The following TRERF1 variants were observed in gnomAD, a reference collection of about 807,000 sequenced individuals.
TRERF1 encodes transcriptional-regulating factor 1.
TRERF1 carries 27 observed loss-of-function variants against 122.9 expected under a neutral mutation model. The observed-to-expected ratio is 0.22, with a 90% CI of 0.16 to 0.30. TRERF1 has a LOEUF of 0.30. Ranked by LOEUF, TRERF1 falls within the 10% of genes least tolerant of loss-of-function variation. TRERF1 has a pLI of 1.00. For synonymous variants in TRERF1, 636 were observed against 641.7 expected, an observed-to-expected ratio of 0.99 and a Z score of 0.13; for missense variants, 1,248 against 1,560.3, an observed-to-expected ratio of 0.80 and a Z score of 3.37.
chr6:42,228,196 T>A lies in TRERF1; in HGVS notation c.*149A>T. ...TTTTTTTAAATAAAAGGAAAAGAAA[T>A]AGGATTTTTTTTTCTAAACCTGAAT... is the stretch of plus-strand genomic sequence containing the variant. On this transcript the variant is annotated 3_prime_UTR_variant, in exon 18 of 18. Transcript: ENST00000372922. The surrounding 1 kb of genome is among the most constrained non-coding windows in gnomAD (Gnocchi z 4.2). 1.5e-6 allele frequency: 1 copy of A among 686,180 alleles called. No homozygotes were observed. 42.5% of individuals were successfully genotyped at this position (686,180 alleles called of 1,614,324 possible).
At chr6:42,386,641 T>C (rs1776868593) in intron 2 of TRERF1, among the ~76,000 whole-genome samples, 1 of 152,078 alleles carries the variant, frequency 6.6e-6, no homozygotes, top group South Asian at 2.1e-4. Context: ...TGGAGAAATG[T>C]TAGAAGGAAA....
chr6:42,272,019 GT>G (rs1488513854), intron 4 of TRERF1, among the ~76,000 whole-genome samples: 1 of 152,120 alleles, frequency 6.6e-6, no homozygotes, highest in Non-Finnish European at 1.5e-5. Flanking sequence ...TTGCTATGGT[GT>G]TTAGATTCCA....
chr6:42,433,866 T>A (rs556837772), intron 2 of TRERF1, among the ~76,000 whole-genome samples: 97 of 151,074 alleles, frequency 6.4e-4, no homozygotes, highest in Middle Eastern at 3.4e-3. Context: ...AAAAAAAAAA[T>A]TTTTTTTAAT....
At chr6:42,264,706 G>C in exon 7 of TRERF1, 1 of 1,614,056 alleles carries the variant, frequency 6.2e-7, no homozygotes, top group Non-Finnish European at 8.5e-7. Flanking sequence ...CTGCTAACCT[G>C]TTTGAGGTTG....
At chr6:42,407,594 G>C (rs1303442853) in intron 2 of TRERF1, among the ~76,000 whole-genome samples, 1 of 152,056 alleles carries the variant, frequency 6.6e-6, no homozygotes, top group Admixed American at 6.5e-5. Flanking sequence ...AGAGAGATGT[G>C]ACTTGTCCAA....
intron 2 of TRERF1, among the ~76,000 whole-genome samples, chr6:42,371,499 G>C (rs931605581): frequency 3.0e-4 from 46 of 152,290 alleles, no homozygotes; most frequent in Middle Eastern, 3.4e-3. Context: ...CCAATGTAGC[G>C]GTTCCCGAGG....
intron 2 of TRERF1, among the ~76,000 whole-genome samples, chr6:42,379,346 C>T (rs1015133101): frequency 4.6e-5 from 7 of 152,054 alleles, no homozygotes; most frequent in African/African-American, 1.7e-4. Context: ...GTCTCCACCA[C>T]CCCAGCCCAC....
chr6:42,269,378 G>A lies in TRERF1; in HGVS notation c.213C>T (p.Ser71=). The A allele has an allele frequency of 1.9e-6, 3 of 1,614,164 alleles. No homozygotes were observed. The highest frequency in any genetic ancestry group is 1.7e-6 in the Non-Finnish European group (2 of 1,180,028). Residue 71 remains serine, a synonymous_variant, in exon 5 of 18, where the codon TCC becomes TCT. Transcript: ENST00000372922. This position sits in a 1 kb window ranked among gnomAD's most constrained non-coding sequence, Gnocchi z 4.9. ...AGGTATCCATTTGGCCAAGGTTTTT[G>A]GAGCCAACAGGCAAGCCCAGACCAT...
At chr6:42,299,116 C>CTCTA (rs1554152190) in intron 4 of TRERF1, among the ~76,000 whole-genome samples, 29,000 of 141,670 alleles carry the variant, frequency 0.2, 3,391 homozygotes, top group East Asian at 0.31. Context: ...GTCTGTCTGT[C>CTCTA]TCTATCTATC....
rs372915886 is a variant in TRERF1 at position 42,365,090 on chromosome 6, G to C, written c.-453-2011C>G. ...TATTTTCAGTGAACACAGAAGCCAG[G>C]TTGTCTCCTGAGTGGTGAAGGGCAG... On this transcript the variant is annotated intron_variant, in intron 2 of 17. Transcript: ENST00000372922. Among the ~76,000 whole-genome samples, 180 of 152,294 alleles carry C rather than the reference G, an allele frequency of 1.2e-3. 1 individual carries two copies. The highest frequency in any genetic ancestry group is 6.8e-3 in the Middle Eastern group (2 of 294).
chr6:42,288,803 G>A (rs976235845), intron 4 of TRERF1, among the ~76,000 whole-genome samples: 1 of 152,028 alleles, frequency 6.6e-6, no homozygotes, highest in Non-Finnish European at 1.5e-5. Flanking sequence ...CTAAAAGAAG[G>A]CCAGTGTGGC....
intron 2 of TRERF1, among the ~76,000 whole-genome samples, chr6:42,379,254 G>A (rs750729215): frequency 3.9e-5 from 6 of 152,020 alleles, no homozygotes; most frequent in African/African-American, 1.2e-4. Flanking sequence ...CAAGGGCCAC[G>A]CAGGATGAAT....
chr6:42,276,578 C>T lies in TRERF1; in HGVS notation c.-258-6730G>A, dbSNP rs1472474905. Among the ~76,000 whole-genome samples, 1 of 152,174 alleles carries T rather than the reference C, an allele frequency of 6.6e-6. No homozygotes were observed. The highest frequency in any genetic ancestry group is 2.4e-5 in the African/African-American group (1 of 41,424). ...CTCCAGGATGTGGGCCGCAGTTCGC[C>T]GTCTTCTTTTTAGCACCGTTGTTGT... On this transcript the variant is annotated intron_variant, in intron 4 of 17. Coordinates refer to ENST00000372922, the Ensembl canonical transcript of TRERF1. This position sits in a 1 kb window ranked among gnomAD's most constrained non-coding sequence, Gnocchi z 4.3.
At chr6:42,355,418 T>G (rs974342720) in intron 3 of TRERF1, among the ~76,000 whole-genome samples, 2 of 152,234 alleles carry the variant, frequency 1.3e-5, no homozygotes, top group African/African-American at 4.8e-5. Flanking sequence ...TGGTAGAACA[T>G]TCACATACTC....
At chr6:42,314,677 G>A (rs1165798476) in intron 3 of TRERF1, among the ~76,000 whole-genome samples, 2 of 152,200 alleles carry the variant, frequency 1.3e-5, no homozygotes, top group Non-Finnish European at 2.9e-5. Flanking sequence ...AGTCAGGGAA[G>A]CCCTCTCTGA....
Position 42,228,765 on chromosome 6 carries a change from A to G in TRERF1, c.3279-96T>C. On this transcript the variant is annotated intron_variant, in intron 17 of 17. Transcript: ENST00000372922. The surrounding 1 kb of genome is among the most constrained non-coding windows in gnomAD (Gnocchi z 4.2). Reference sequence around the variant, plus strand: ...ACGGGGAATGGGGGTGTGTGGTCTGACAAAGTCCCTGGCTGCTCGGCTTCT... The same window carrying G: ...ACGGGGAATGGGGGTGTGTGGTCTGGCAAAGTCCCTGGCTGCTCGGCTTCT... The G allele has an allele frequency of 7.8e-7, 1 of 1,281,328 alleles. No individual in the cohort carries two copies. Among genetic ancestry groups the G allele is most frequent in the Non-Finnish European group, 1.1e-6 (1 of 932,318 alleles). The allele number at this position is 1,281,328 out of a possible 1,614,324, so 79.4% of individuals were successfully genotyped here.
At chr6:42,252,424 C>T (rs1391317590) in intron 13 of TRERF1, among the ~76,000 whole-genome samples, 1 of 152,214 alleles carries the variant, frequency 6.6e-6, no homozygotes, top group Non-Finnish European at 1.5e-5. Context: ...ACCTGAACTC[C>T]CTCTCCAGAT....
chr6:42,380,807 T>G (rs1775785574), intron 2 of TRERF1, among the ~76,000 whole-genome samples: 1 of 152,128 alleles, frequency 6.6e-6, no homozygotes, highest in African/African-American at 2.4e-5. Flanking sequence ...TTGCACGGGC[T>G]CCAGGGTGGG....
At chr6:42,282,451 G>A (rs1226126033) in intron 4 of TRERF1, among the ~76,000 whole-genome samples, 2 of 152,226 alleles carry the variant, frequency 1.3e-5, no homozygotes, top group African/African-American at 4.8e-5. Context: ...GGGAAGCTGA[G>A]GTGGGAGCAT....
Sources: gnomAD v4.1 joint callset for allele counts (sites outside exome capture counted in the v4.1 genomes callset) on GRCh38, gnomAD v4.1.1 for gene constraint, Gnocchi (gnomAD v3.1) non-coding constraint, MANE v1.5 for transcripts, NCBI Gene and HGNC (gene_info 2026-07-23, HGNC 2026-07-21) for gene names.